Variants in MPP2 observed in about 807,000 individuals in gnomAD.
MPP2 encodes MAGUK p55 scaffold protein 2.
Under a neutral mutation model 58.5 loss-of-function variants are expected in MPP2, and 42 were observed. The observed-to-expected ratio is 0.72, with a 90% CI of 0.56 to 0.93. MPP2 has a LOEUF of 0.93. Among genes scored for constraint, MPP2 ranks in the 40% least tolerant of loss-of-function variants. The probability of loss-of-function intolerance (pLI) is 0.00; values close to 1 mark genes in which losing one functional copy is unlikely to be tolerated. For synonymous variants in MPP2, 300 were observed against 307.8 expected (o/e 0.97, Z 0.26); for missense variants, 632 against 760.4 (o/e 0.83, Z 1.99).
chr17:43,883,864 G>A (rs929667538), intron 3 of MPP2, among the ~76,000 whole-genome samples: 2 of 152,148 alleles, frequency 1.3e-5, no homozygotes, highest in Non-Finnish European at 2.9e-5. Context: ...ACGGTGCCAG[G>A]AGCAGGCCCT....
chr17:43,904,067 C>G (rs1449417808), intron 2 of MPP2, among the ~76,000 whole-genome samples: 2 of 152,192 alleles, frequency 1.3e-5, no homozygotes, highest in Non-Finnish European at 2.9e-5. Context: ...CACCCCCAAG[C>G]CATTCTCCAA....
intron 3 of MPP2, chr17:43,884,013 A>T: frequency 1.5e-6 from 1 of 679,018 alleles, no homozygotes; most frequent in Non-Finnish European, 2.7e-6. Context: ...CCATTTCAAT[A>T]ATATATATGA....
chr17:43,908,847 A>C (rs1343444704), upstream of MPP2, among the ~76,000 whole-genome samples: 1 of 152,194 alleles, frequency 6.6e-6, no homozygotes, highest in Non-Finnish European at 1.5e-5. Flanking sequence ...CAAGGGTATA[A>C]GTTTGGATAT....
At chr17:43,891,761 A>AT (rs1018659791) in intron 3 of MPP2, among the ~76,000 whole-genome samples, 2 of 152,168 alleles carry the variant, frequency 1.3e-5, no homozygotes, top group African/African-American at 4.8e-5. Flanking sequence ...AGAAATATTA[A>AT]TTTTTTAAAA....
At chr17:43,903,523 C>T (rs1032907606) in intron 2 of MPP2, among the ~76,000 whole-genome samples, 4 of 150,690 alleles carry the variant, frequency 2.7e-5, no homozygotes, top group Admixed American at 6.6e-5. Flanking sequence ...TTTGTCTTTA[C>T]GAAAAATACA....
At position 43,880,847 on chromosome 17, in the gene MPP2, C is replaced by T; in HGVS notation, c.994G>A (p.Asp332Asn). ...TCATAAATGAGCAGCTCATGACGGTCAAACTCTGGACACAGGGAGATGGCG... is the reference window on the plus strand; with the variant it reads ...TCATAAATGAGCAGCTCATGACGGTTAAACTCTGGACACAGGGAGATGGCG... ...MYLTTKNAEF[D>N]RHELLIYEEV... Residue 332 changes from aspartate to asparagine, a missense_variant, in exon 10 of 13, where the codon GAC becomes AAC. Asp to Asn is a conservative substitution (Grantham distance 23, BLOSUM62 1). Transcript: ENST00000269095. The surrounding 1 kb of genome is among the most constrained non-coding windows in gnomAD (Gnocchi z 5.2). 19 of 1,599,502 alleles carry T rather than the reference C, an allele frequency of 1.2e-5. No individual in the cohort carries two copies. The highest frequency in any genetic ancestry group is 1.5e-5 in the Non-Finnish European group (18 of 1,171,122).
At chr17:43,899,565 A>C (rs2048000165) in intron 2 of MPP2, among the ~76,000 whole-genome samples, 1 of 152,160 alleles carries the variant, frequency 6.6e-6, no homozygotes, top group Non-Finnish European at 1.5e-5. Context: ...GCTCTGAGTG[A>C]CAATGATCTA....
In MPP2 at chr17:43,880,038, T is replaced by A. The variant is rs1017337745; in HGVS notation, c.1151-54A>T. 4 of 1,557,736 alleles carry A rather than the reference T, an allele frequency of 2.6e-6. No homozygotes were observed. In the Admixed American group the frequency reaches 6.7e-5, roughly 26 times the overall value. ...ATGGGCAGGGGCAGGTTACAGTGCC[T>A]CAGACACATATATGCACCCCTACCC... On this transcript the variant is annotated intron_variant, in intron 10 of 12. Coordinates refer to ENST00000269095, the MANE Select transcript of MPP2 (RefSeq NM_005374.5). The surrounding 1 kb of genome is among the most constrained non-coding windows in gnomAD (Gnocchi z 5.2).
chr17:43,879,172 C>T lies in MPP2; in HGVS notation c.1482+103G>A. ...CCTCACTGATAACTGGAGCAGGCCC[C>T]TGTCCCTCCCCAACACCACCTCCTT... On this transcript the variant is annotated intron_variant, in intron 12 of 12. Transcript: ENST00000269095. This position sits in a 1 kb window ranked among gnomAD's most constrained non-coding sequence, Gnocchi z 4.1. The T allele has an allele frequency of 2.8e-6, 4 of 1,415,388 alleles. No individual in the cohort carries two copies. Among genetic ancestry groups the T allele is most frequent in the Non-Finnish European group, 3.9e-6 (4 of 1,033,120 alleles). 87.7% of individuals were successfully genotyped at this position (1,415,388 alleles called of 1,614,324 possible). A position where few individuals can be genotyped will look rare whatever the true frequency, so the allele number is the denominator to read the frequency against.
At position 43,879,442 on chromosome 17, in the gene MPP2, T is replaced by A. The variant is rs781100105; in HGVS notation, c.1354-39A>T. On this transcript the variant is annotated intron_variant, in intron 11 of 12. Transcript: ENST00000269095. This position sits in a 1 kb window ranked among gnomAD's most constrained non-coding sequence, Gnocchi z 4.1. ...AGGCAAGGTAGGGAGTATATCCCCA[T>A]GTCTGTCCTAGGAACCAGAGAAAGG... The A allele has an allele frequency of 6.2e-7, 1 of 1,610,108 alleles. No homozygotes were observed. The highest frequency in any genetic ancestry group is 1.1e-5 in the South Asian group (1 of 90,784).
At chr17:43,881,410 C>T (rs894403512) in intron 7 of MPP2, 48 bp downstream of exon 7, 1 of 1,613,904 alleles carries the variant, frequency 6.2e-7, no homozygotes, top group Non-Finnish European at 8.5e-7. Flanking sequence ...GTGCCCTCGC[C>T]CTCCCATGCA....
Position 43,898,258 on chromosome 17 carries a change from G to C in MPP2, c.150+4C>G. The C allele has an allele frequency of 1.2e-6, 2 of 1,610,092 alleles. No individual in the cohort carries two copies. ...CTTGTGCCCACCTCCCTGGAGCACTGTACCTTGGCCAGGGATCTTACTATG... is the reference window on the plus strand; with the variant it reads ...CTTGTGCCCACCTCCCTGGAGCACTCTACCTTGGCCAGGGATCTTACTATG... On this transcript the variant is annotated splice_donor_region_variant and intron_variant, in intron 3 of 12. Coordinates refer to ENST00000269095, the MANE Select transcript of MPP2 (RefSeq NM_005374.5).
chr17:43,909,267 T>C (rs2048380973), upstream of MPP2, among the ~76,000 whole-genome samples: 2 of 152,132 alleles, frequency 1.3e-5, no homozygotes. Context: ...GGTTTCTCCA[T>C]GTTGGTCAGG....
chr17:43,904,634 T>G, intron 1 of MPP2, 141 bp from the exon 2 acceptor site: 1 of 638,208 alleles, frequency 1.6e-6, no homozygotes, highest in South Asian at 1.9e-5. Context: ...AGAACAACAA[T>G]GATTCCAACG....
At chr17:43,909,067 T>C (rs200102018), upstream of MPP2, among the ~76,000 whole-genome samples, 10 of 152,262 alleles carry the variant, frequency 6.6e-5, no homozygotes, top group East Asian at 3.9e-4. Context: ...TCTTCTTCTT[T>C]TTTATTTTTA....
intron 1 of MPP2, chr17:43,906,048 TCCCTTCCCTC>T: frequency 1.0e-6 from 1 of 959,460 alleles, no homozygotes; most frequent in South Asian, 4.8e-5. Context: ...GGAGGAGGGA[TCCCTTCCCTC>T]CCCCTCCCAG....
At chr17:43,882,211 C>T (rs1476318348) in intron 6 of MPP2, 73 bp downstream of exon 6, 1 of 1,396,182 alleles carries the variant, frequency 7.2e-7, no homozygotes, top group Non-Finnish European at 9.9e-7. Context: ...AGGAGGGCCT[C>T]CGTGAGACCT....
chr17:43,880,928 C>T lies in MPP2; in HGVS notation c.989-76G>A. ...GCGGAGCTCTCAGGGAGGCTGAGGG[C>T]AAGAGGGCTTGGAACAGGGGAGCAG... On this transcript the variant is annotated intron_variant, in intron 9 of 12. Transcript: ENST00000269095. The surrounding 1 kb of genome is among the most constrained non-coding windows in gnomAD (Gnocchi z 5.2). 1 of 1,555,008 alleles carries T rather than the reference C, an allele frequency of 6.4e-7. No individual in the cohort carries two copies. The highest frequency in any genetic ancestry group is 8.7e-7 in the Non-Finnish European group (1 of 1,145,830).
intron 1 of MPP2, among the ~76,000 whole-genome samples, chr17:43,906,840 C>A (rs1264421720): frequency 6.6e-6 from 1 of 151,204 alleles, no homozygotes; most frequent in Non-Finnish European, 1.5e-5. Context: ...GGCCAACCCC[C>A]ACCCCGTCTT....
Sources: allele counts gnomAD v4.1 joint callset (sites outside exome capture counted in the v4.1 genomes callset), GRCh38; gene constraint gnomAD v4.1.1; non-coding constraint Gnocchi (gnomAD v3.1); transcripts MANE v1.5; gene names NCBI Gene and HGNC (gene_info 2026-07-23, HGNC 2026-07-21).